Variants in SERPINB7 observed in about 807,000 individuals in gnomAD.
SERPINB7 encodes serpin family B member 7.
A neutral mutation model predicts 37.4 loss-of-function variants in SERPINB7; 31 were observed. The observed-to-expected ratio is 0.83, with a 90% confidence interval of 0.62 to 1.12. The LOEUF is 1.12. Among genes scored for constraint, SERPINB7 ranks in the 50% most tolerant of loss-of-function variants. SERPINB7 has a pLI of 0.00. For synonymous variants in SERPINB7, 163 were observed against 166.1 expected (o/e 0.98, Z 0.14); for missense variants, 521 against 455.3 (o/e 1.14, Z -1.31).
At chr18:63,799,787 G>A (rs867287618) in intron 6 of SERPINB7, among the ~76,000 whole-genome samples, 1 of 152,172 alleles carries the variant, frequency 6.6e-6, no homozygotes, top group African/African-American at 2.4e-5. Context: ...AACCTTTCCA[G>A]AGAAGGACCT....
intron 6 of SERPINB7, 148 bp from the exon 7 acceptor site, chr18:63,800,718 C>A (rs976178282): frequency 1.4e-6 from 1 of 736,582 alleles, no homozygotes; most frequent in East Asian, 2.8e-5. Flanking sequence ...TGCACCAATG[C>A]AACCACTATT....
intron 1 of SERPINB7, 125 bp downstream of exon 1, chr18:63,775,841 C>T (rs962415269): frequency 6.6e-6 from 1 of 152,164 alleles, no homozygotes; most frequent in African/African-American, 2.4e-5. Context: ...AATGATCATG[C>T]TCAGAGGCCT....
intron 5 of SERPINB7, 138 bp downstream of exon 5, chr18:63,796,521 T>C: frequency 1.8e-6 from 1 of 554,176 alleles, no homozygotes; most frequent in Non-Finnish European, 3.2e-6. Context: ...TACTTAAAAT[T>C]GCTTTAGTAT....
upstream of SERPINB7, among the ~76,000 whole-genome samples, chr18:63,772,798 C>T (rs1024596923): frequency 5.3e-5 from 8 of 152,102 alleles, no homozygotes; most frequent in African/African-American, 1.7e-4. Flanking sequence ...GCCACGACAA[C>T]GTGATGAAAT....
chr18:63,788,185 C>T (rs922866921), intron 2 of SERPINB7, among the ~76,000 whole-genome samples: 1 of 152,144 alleles, frequency 6.6e-6, no homozygotes, highest in Non-Finnish European at 1.5e-5. Flanking sequence ...AGGAGTGATT[C>T]CAGAAGGAGG....
rs111608847 is a variant in SERPINB7 at position 63,781,671 on chromosome 18, CT to C, written c.-18-681del. Among the ~76,000 whole-genome samples, 87 of 152,308 alleles carry C rather than the reference CT, an allele frequency of 5.7e-4. 1 individual carries two copies. The highest frequency in any genetic ancestry group is 2.1e-3 in the African/African-American group (86 of 41,566). On this transcript the variant is annotated intron_variant, in intron 1 of 7. Coordinates refer to ENST00000398019, the MANE Select transcript of SERPINB7 (RefSeq NM_003784.4). Reference sequence around the variant, plus strand: ...ATCATGAATTTGAAGATAATCTCCACTTTGTTACTGCACCCTGGGTTCTCTA... The same window carrying C: ...ATCATGAATTTGAAGATAATCTCCACTTGTTACTGCACCCTGGGTTCTCTA...
chr18:63,793,072 T>C, intron 3 of SERPINB7, 89 bp from the exon 4 acceptor site: 1 of 610,254 alleles, frequency 1.6e-6, no homozygotes, highest in Non-Finnish European at 2.7e-6. Context: ...TTTTATGGTA[T>C]AATTTGCATG....
intron 5 of SERPINB7, among the ~76,000 whole-genome samples, chr18:63,797,257 G>A (rs1369927288): frequency 6.6e-6 from 1 of 152,052 alleles, no homozygotes; most frequent in Admixed American, 6.6e-5. Flanking sequence ...AATATATCTT[G>A]CACTTTTAAA....
At chr18:63,795,082 T>C (rs551696398) in intron 4 of SERPINB7, among the ~76,000 whole-genome samples, 54 of 152,348 alleles carry the variant, frequency 3.5e-4, no homozygotes, top group East Asian at 1.5e-3. Flanking sequence ...AAGTATTTCT[T>C]AGGCAACTAT....
At position 63,786,146 on chromosome 18, in the gene SERPINB7, C is replaced by CGTATATACATATAT. The variant is rs1568209459; in HGVS notation, c.168+3606_168+3607insGTATATACATATAT. Among the ~76,000 whole-genome samples the CGTATATACATATAT allele has an allele frequency of 1.9e-4, 17 of 90,756 alleles. 1 individual carries two copies. The highest frequency in any genetic ancestry group is 2.9e-4 in the Non-Finnish European group (12 of 41,198). The allele number at this position is 90,756 out of a possible 152,430, so 59.5% of individuals were successfully genotyped here. On this transcript the variant is annotated intron_variant, in intron 2 of 7. Coordinates refer to ENST00000398019, the MANE Select transcript of SERPINB7 (RefSeq NM_003784.4). ...ATATATACGTATATACATATATACA[C>CGTATATACATATAT]ACACACACACACACACACACCAGCA...
chr18:63,786,233 TAC>T (rs71162680), intron 2 of SERPINB7, among the ~76,000 whole-genome samples: 4 of 76,260 alleles, frequency 5.2e-5, no homozygotes, highest in Non-Finnish European at 1.2e-4. Context: ...TATATATATA[TAC>T]ACACACACAC....
At chr18:63,794,110 A>ATTTTTTTTTTTTTT (rs34450022) in intron 4 of SERPINB7, among the ~76,000 whole-genome samples, 163 of 105,558 alleles carry the variant, frequency 1.5e-3, no homozygotes, top group Middle Eastern at 8.8e-3. Context: ...CATCCTGCTA[A>ATTTTTTTTTTTTTT]TTTTTTTTTT....
chr18:63,789,720 C>T (rs1424312389), intron 2 of SERPINB7, among the ~76,000 whole-genome samples: 1 of 152,162 alleles, frequency 6.6e-6, no homozygotes, highest in Non-Finnish European at 1.5e-5. Context: ...ATTCTATTTT[C>T]AAGTAGAGAT....
upstream of SERPINB7, among the ~76,000 whole-genome samples, chr18:63,773,774 A>T (rs2049225394): frequency 6.6e-6 from 1 of 152,168 alleles, no homozygotes; most frequent in African/African-American, 2.4e-5. Flanking sequence ...TCTCATACTT[A>T]TGTCACTTTG....
chr18:63,784,900 TCCTGTCTGGTACA>T (rs1324359051), intron 2 of SERPINB7, among the ~76,000 whole-genome samples: 2 of 152,172 alleles, frequency 1.3e-5, no homozygotes, highest in Non-Finnish European at 2.9e-5. Context: ...ATCTTTCAGC[TCCTGTCTGGTACA>T]CCTTCTGAAG....
chr18:63,792,498 C>T (rs530010065), intron 3 of SERPINB7, 55 bp downstream of exon 3: 2 of 1,212,056 alleles, frequency 1.7e-6, no homozygotes, highest in East Asian at 4.7e-5. Context: ...TGCAGGGGCT[C>T]AAGCCTGTAA....
Position 63,804,453 on chromosome 18 carries a change from A to T in SERPINB7, c.961A>T (p.Met321Leu), listed in dbSNP as rs1385002290. The change falls in exon 8 of 8, where the codon ATG becomes TTG. Residue 321 changes from methionine to leucine, a missense_variant. Coordinates refer to ENST00000398019, the MANE Select transcript of SERPINB7 (RefSeq NM_003784.4). ...GGGGGGTCGTCTGTATATATCAAGG[A>T]TGATGCACAAATCTTACATAGAGGT... Reference protein sequence around the residue: ...ASGGRLYISRMMHKSYIEVTE... With the variant: ...ASGGRLYISRLMHKSYIEVTE... The T allele has an allele frequency of 6.8e-6, 11 of 1,613,798 alleles. No homozygotes were observed. The highest frequency in any genetic ancestry group is 1.1e-5 in the South Asian group (1 of 91,082).
intron 1 of SERPINB7, among the ~76,000 whole-genome samples, chr18:63,757,741 G>T (rs1041642202): frequency 6.6e-6 from 1 of 152,208 alleles, no homozygotes; most frequent in African/African-American, 2.4e-5. Context: ...GCTCTTGGGA[G>T]TTCCTAATGA....
At chr18:63,798,560 T>A (rs1266397108) in intron 5 of SERPINB7, 44 bp from the exon 6 acceptor site, 1 of 1,449,004 alleles carries the variant, frequency 6.9e-7, no homozygotes. Context: ...ATTTTTAAAA[T>A]TATATTAAAA....
Sources: gnomAD v4.1 joint callset for allele counts (sites outside exome capture counted in the v4.1 genomes callset) on GRCh38, gnomAD v4.1.1 for gene constraint, MANE v1.5 for transcripts, NCBI Gene and HGNC (gene_info 2026-07-23, HGNC 2026-07-21) for gene names.